Variants in PTPRM observed in about 807,000 individuals in gnomAD.
PTPRM encodes the protein protein tyrosine phosphatase receptor type M.
A neutral mutation model predicts 186.7 loss-of-function variants in PTPRM; 47 were observed. The observed-to-expected ratio is 0.25, with a 90% CI of 0.20 to 0.32. PTPRM has a LOEUF of 0.32. PTPRM is among the 10% of genes least tolerant of loss of function. The pLI, the probability that PTPRM is intolerant of heterozygous loss-of-function variation, is 1.00. For synonymous variants in PTPRM, 668 were observed against 674.9 expected, an observed-to-expected ratio of 0.99 and a Z score of 0.16; for missense variants, 1,494 against 1,865.0, an observed-to-expected ratio of 0.80 and a Z score of 3.66.
At chr18:7,943,806 T>C (rs2052349052) in intron 5 of PTPRM, among the ~76,000 whole-genome samples, 1 of 152,206 alleles carries the variant, frequency 6.6e-6, no homozygotes, top group African/African-American at 2.4e-5. Flanking sequence ...AACCTTGTGA[T>C]TACGTTTGGC....
rs187844363 is a variant in PTPRM at position 7,763,550 on chromosome 18, A to G, written c.74-10599A>G. ...TCTGTATCTCAGTTCTATGATCCCA[A>G]TTAAATACACTCATCTGTACGAGTT... is the stretch of plus-strand genomic sequence containing the variant. On this transcript the variant is annotated intron_variant, in intron 1 of 32. Coordinates refer to ENST00000580170, the MANE Select transcript of PTPRM (RefSeq NM_001105244.2). Among the ~76,000 whole-genome samples the G allele has an allele frequency of 2.5e-4, 38 of 152,326 alleles. No individual in the cohort carries two copies. The East Asian group carries it at 5.2e-3, about 21-fold the overall frequency.
intron 1 of PTPRM, among the ~76,000 whole-genome samples, chr18:7,636,246 T>A (rs951313537): frequency 5.3e-5 from 8 of 152,138 alleles, no homozygotes; most frequent in African/African-American, 1.9e-4. Context: ...CTTGGATGTA[T>A]AGATGACAAA....
chr18:7,716,202 C>G (rs1409492005), intron 1 of PTPRM, among the ~76,000 whole-genome samples: 4 of 152,168 alleles, frequency 2.6e-5, no homozygotes, highest in African/African-American at 4.8e-5. Flanking sequence ...TCAGAAATCA[C>G]TCCACACGTC....
chr18:8,393,705 A>G (rs1362121430), intron 31 of PTPRM, among the ~76,000 whole-genome samples: 6 of 152,236 alleles, frequency 3.9e-5, no homozygotes, highest in Non-Finnish European at 5.9e-5. Flanking sequence ...CACATCTAAC[A>G]TGGGTTCATA....
intron 23 of PTPRM, among the ~76,000 whole-genome samples, chr18:8,370,420 T>G (rs1376105465): frequency 6.6e-6 from 1 of 152,218 alleles, no homozygotes; most frequent in Non-Finnish European, 1.5e-5. Context: ...TTTGGGAAAA[T>G]GACTTAGCTA....
intron 13 of PTPRM, among the ~76,000 whole-genome samples, chr18:8,121,009 A>G (rs540075973): frequency 1.9e-4 from 29 of 152,338 alleles, no homozygotes; most frequent in Admixed American, 1.4e-3. Flanking sequence ...TTATAACAGT[A>G]TTCAAAATTG....
At chr18:7,698,480 C>T (rs1174584620) in intron 1 of PTPRM, among the ~76,000 whole-genome samples, 4 of 152,174 alleles carry the variant, frequency 2.6e-5, no homozygotes, top group African/African-American at 9.7e-5. Flanking sequence ...AGATGTATCA[C>T]ATGAATAAAA....
At chr18:8,331,489 C>T (rs1443549782) in intron 22 of PTPRM, among the ~76,000 whole-genome samples, 1 of 152,236 alleles carries the variant, frequency 6.6e-6, no homozygotes, top group African/African-American at 2.4e-5. Context: ...AGCCTACACT[C>T]TAGAGTTGCA....
chr18:8,127,671 G>T (rs939856324), intron 13 of PTPRM, among the ~76,000 whole-genome samples: 1 of 152,104 alleles, frequency 6.6e-6, no homozygotes, highest in Non-Finnish European at 1.5e-5. Flanking sequence ...CAAAGTTGCA[G>T]CTTTCTGTCC....
At chr18:7,725,464 T>C (rs2144348378) in intron 1 of PTPRM, among the ~76,000 whole-genome samples, 1 of 152,210 alleles carries the variant, frequency 6.6e-6, no homozygotes, top group African/African-American at 2.4e-5. Context: ...CCAAAGAGCC[T>C]GGAACTGCAG....
At chr18:8,140,662 A>C (rs749423571) in intron 13 of PTPRM, among the ~76,000 whole-genome samples, 15 of 152,216 alleles carry the variant, frequency 9.9e-5, no homozygotes, top group Non-Finnish European at 2.1e-4. Flanking sequence ...CTTATTCACC[A>C]GTGCAATGAA....
chr18:8,389,051 G>T (rs1345359460), intron 31 of PTPRM, among the ~76,000 whole-genome samples: 1 of 152,134 alleles, frequency 6.6e-6, no homozygotes, highest in African/African-American at 2.4e-5. Context: ...CTTCAATCCA[G>T]ATCCAACCTC....
intron 2 of PTPRM, among the ~76,000 whole-genome samples, chr18:7,834,332 A>G (rs916531259): frequency 6.6e-6 from 1 of 150,866 alleles, no homozygotes; most frequent in African/African-American, 2.4e-5. Flanking sequence ...GTTTGCTAGT[A>G]TTTTGTTGAG....
chr18:7,858,668 A>G (rs186137858), intron 2 of PTPRM, among the ~76,000 whole-genome samples: 2 of 152,236 alleles, frequency 1.3e-5, no homozygotes, highest in Non-Finnish European at 2.9e-5. Flanking sequence ...TATATGTAGA[A>G]TACTTAACGC....
chr18:8,332,738 T>C (rs932657052), intron 22 of PTPRM, among the ~76,000 whole-genome samples: 5 of 152,220 alleles, frequency 3.3e-5, no homozygotes, highest in African/African-American at 1.2e-4. Context: ...AAAAGACTCT[T>C]GTCACAGGAA....
chr18:8,398,307 C>T (rs1411144915), intron 32 of PTPRM, among the ~76,000 whole-genome samples: 2 of 152,072 alleles, frequency 1.3e-5, no homozygotes, highest in Non-Finnish European at 2.9e-5. Context: ...TAGTTTCATG[C>T]CATTCTGCAC....
intron 7 of PTPRM, among the ~76,000 whole-genome samples, chr18:8,023,770 T>C (rs781078098): frequency 3.3e-5 from 5 of 151,708 alleles, no homozygotes; most frequent in Non-Finnish European, 7.4e-5. Context: ...TAAAAATTGC[T>C]ATGGATAATA....
At chr18:7,705,812 G>A (rs1157279618) in intron 1 of PTPRM, among the ~76,000 whole-genome samples, 1 of 151,348 alleles carries the variant, frequency 6.6e-6, no homozygotes, top group Non-Finnish European at 1.5e-5. Flanking sequence ...TCCTGCCTCA[G>A]CCTCCTGAAT....
chr18:8,131,192 G>T (rs761583846), intron 13 of PTPRM, among the ~76,000 whole-genome samples: 1 of 152,134 alleles, frequency 6.6e-6, no homozygotes, highest in South Asian at 2.1e-4. Flanking sequence ...ATAGTATGTA[G>T]GGTATTATTT....
Sources: gnomAD v4.1 joint callset for allele counts (sites outside exome capture counted in the v4.1 genomes callset) on GRCh38, gnomAD v4.1.1 for gene constraint, MANE v1.5 for transcripts, NCBI Gene and HGNC (gene_info 2026-07-23, HGNC 2026-07-21) for gene names.